The following GSE1 variants were observed in gnomAD, a reference collection of about 807,000 sequenced individuals.
The protein encoded by GSE1 is Gse1 coiled-coil protein, also known as genetic suppressor element 1.
Under a neutral mutation model 112.6 loss-of-function variants are expected in GSE1, and 32 were observed. The observed-to-expected ratio is 0.28, with a 90% CI of 0.21 to 0.38. The LOEUF is 0.38. Ranked by LOEUF, GSE1 falls within the 10% of genes least tolerant of loss-of-function variation. The pLI, the probability that GSE1 is intolerant of heterozygous loss-of-function variation, is 1.00. For synonymous variants in GSE1, 1,115 were observed against 735.6 expected (o/e 1.52, Z -8.35); for missense variants, 2,348 against 1,699.2 (o/e 1.38, Z -6.71).
intron 1 of GSE1, among the ~76,000 whole-genome samples, chr16:85,585,010 C>T (rs934820198): frequency 2.2e-4 from 34 of 152,212 alleles, no homozygotes; most frequent in African/African-American, 6.3e-4. Context: ...CCGAAGACCT[C>T]GTCTTCCAAG....
intron 2 of GSE1, among the ~76,000 whole-genome samples, chr16:85,483,115 G>T (rs981631344): frequency 6.6e-6 from 1 of 152,196 alleles, no homozygotes; most frequent in Admixed American, 6.5e-5. Context: ...GTTACCTCTG[G>T]CTATGTGGAT....
Position 85,643,905 on chromosome 16 carries a change from G to A in GSE1, c.227-4647G>A, listed in dbSNP as rs190245819. Among the ~76,000 whole-genome samples the A allele has an allele frequency of 3.6e-3, 551 of 152,088 alleles. 2 individuals are homozygous for A. Among genetic ancestry groups the A allele is most frequent in the African/African-American group, 0.012 (515 of 41,462 alleles). ...CTGCCTGGGTGGGGTGGCGGCTCTC[G>A]GTGTGTTGGTTTTATTTCCTTTTTC... On this transcript the variant is annotated intron_variant, in intron 2 of 15. Transcript: ENST00000253458.
At chr16:85,422,705 C>A (rs985858240) in intron 2 of GSE1, among the ~76,000 whole-genome samples, 13 of 152,108 alleles carry the variant, frequency 8.5e-5, no homozygotes, top group Non-Finnish European at 1.8e-4. Context: ...GGCAGAGGCC[C>A]TGCAGGTGCA....
At chr16:85,200,785 C>T (rs985026751) in intron 1 of GSE1, among the ~76,000 whole-genome samples, 12 of 152,312 alleles carry the variant, frequency 7.9e-5, no homozygotes, top group East Asian at 1.9e-4. Context: ...GTGTACAGTT[C>T]GGTGGCATTA....
At chr16:85,389,374 C>A (rs2047779647) in intron 2 of GSE1, among the ~76,000 whole-genome samples, 1 of 150,990 alleles carries the variant, frequency 6.6e-6, no homozygotes, top group South Asian at 2.1e-4. Flanking sequence ...GCAGGAGAAT[C>A]ACTTGAACCC....
chr16:85,331,475 ATATATGTGTATATATGTG>A (rs1221000686), intron 1 of GSE1, among the ~76,000 whole-genome samples: 24 of 132,004 alleles, frequency 1.8e-4, no homozygotes, highest in African/African-American at 6.2e-4. Flanking sequence ...GTATATATGT[ATATATGTGTATATATGTG>A]TATATGTGTA....
intron 2 of GSE1, among the ~76,000 whole-genome samples, chr16:85,430,664 C>G (rs910925485): frequency 2.0e-5 from 3 of 152,220 alleles, no homozygotes; most frequent in Non-Finnish European, 4.4e-5. Context: ...GAGGCTCTGG[C>G]TTGATAGTCC....
chr16:85,325,423 A>G (rs1344884849), intron 1 of GSE1, among the ~76,000 whole-genome samples: 2 of 151,798 alleles, frequency 1.3e-5, no homozygotes, highest in Non-Finnish European at 2.9e-5. Flanking sequence ...GAGTCCTGTG[A>G]TCTGATAAAG....
rs569763970 is a variant in GSE1 at position 85,656,482 on chromosome 16, C to T, written c.1129C>T (p.Arg377Cys). Residue 377 changes from arginine to cysteine, a missense_variant, in exon 7 of 16, where the codon CGT (arginine) becomes TGT (cysteine). By Grantham distance (180) the Arg-to-Cys change is radical (BLOSUM62 -3). Coordinates refer to ENST00000253458, the MANE Select transcript of GSE1 (RefSeq NM_014615.5). ...KEREQEKERE[R>C]EKERERELER... Reference sequence around the variant, plus strand: ...GCGCGAGCAAGAGAAGGAGCGTGAGCGTGAGAAGGAGCGCGAGCGCGAGCT... The same window carrying T: ...GCGCGAGCAAGAGAAGGAGCGTGAGTGTGAGAAGGAGCGCGAGCGCGAGCT... The T allele has an allele frequency of 9.5e-5, 147 of 1,540,780 alleles. No homozygotes were observed. Among genetic ancestry groups the T allele is most frequent in the Admixed American group, 3.9e-5 (2 of 50,972 alleles).
At chr16:85,335,368 G>A (rs8061803) in intron 1 of GSE1, among the ~76,000 whole-genome samples, 10,870 of 152,356 alleles carry the variant, frequency 0.071, 412 homozygotes, top group Admixed American at 0.094. Context: ...CTCGGCAAGC[G>A]AGTGAGTTCA....
At chr16:85,289,082 G>A (rs1170878310) in intron 1 of GSE1, among the ~76,000 whole-genome samples, 1 of 152,194 alleles carries the variant, frequency 6.6e-6, no homozygotes, top group Non-Finnish European at 1.5e-5. Flanking sequence ...TCAGATCCTG[G>A]GCTCAAGGTT....
chr16:85,388,801 G>C lies in GSE1; in HGVS notation c.2464+31158G>C, dbSNP rs547258019. ...GGGTTTCTTTCCTTCCCTTGACTCAGTTCTGACTACTGGTGAAGAAGTGGG... is the reference window on the plus strand; with the variant it reads ...GGGTTTCTTTCCTTCCCTTGACTCACTTCTGACTACTGGTGAAGAAGTGGG... On this transcript the variant is annotated intron_variant, in intron 2 of 2. Coordinates refer to the GSE1 transcript ENST00000637419. Among the ~76,000 whole-genome samples the C allele has an allele frequency of 6.7e-4, 102 of 152,284 alleles. 2 individuals are homozygous for C. The South Asian group carries it at 0.02, about 30-fold the overall frequency.
chr16:85,314,901 A>G (rs990307280), intron 1 of GSE1, among the ~76,000 whole-genome samples: 1 of 152,132 alleles, frequency 6.6e-6, no homozygotes, highest in Non-Finnish European at 1.5e-5. Flanking sequence ...TGTGTTGATC[A>G]AGTGACAAGC....
intron 1 of GSE1, among the ~76,000 whole-genome samples, chr16:85,335,656 C>A (rs1031327696): frequency 1.3e-5 from 2 of 152,194 alleles, no homozygotes; most frequent in African/African-American, 4.8e-5. Flanking sequence ...GTGGCAGTCT[C>A]ATGCCCGGCA....
chr16:85,463,582 C>G (rs1759222280), intron 2 of GSE1, among the ~76,000 whole-genome samples: 2 of 152,172 alleles, frequency 1.3e-5, no homozygotes, highest in Non-Finnish European at 2.9e-5. Context: ...ACTTCGTGCC[C>G]TCTTGCTTGC....
At chr16:85,651,539 C>T (rs555074885) in intron 3 of GSE1, among the ~76,000 whole-genome samples, 2 of 152,300 alleles carry the variant, frequency 1.3e-5, no homozygotes, top group South Asian at 4.1e-4. Flanking sequence ...ACAGGCCCCT[C>T]CTTGTGGCGG....
At chr16:85,613,626 CGGG>C (rs912586200) in intron 1 of GSE1, among the ~76,000 whole-genome samples, 1 of 141,146 alleles carries the variant, frequency 7.1e-6, no homozygotes, top group Non-Finnish European at 1.5e-5. Context: ...GGCGGGGACT[CGGG>C]GGCTCCGGGC....
At chr16:85,388,492 G>GTGGA (rs1258045810) in intron 2 of GSE1, among the ~76,000 whole-genome samples, 13 of 78,774 alleles carry the variant, frequency 1.7e-4, no homozygotes, top group Non-Finnish European at 2.5e-4. Flanking sequence ...GGGTGGGTGG[G>GTGGA]TGGATGGATG....
chr16:85,297,689 T>G (rs2045407329), intron 1 of GSE1, among the ~76,000 whole-genome samples: 1 of 152,166 alleles, frequency 6.6e-6, no homozygotes, highest in Admixed American at 6.5e-5. Context: ...TTCTTTTTTA[T>G]CTTTTGTAGA....
Sources: gnomAD v4.1 joint callset for allele counts (sites outside exome capture counted in the v4.1 genomes callset) on GRCh38, gnomAD v4.1.1 for gene constraint, MANE v1.5 for transcripts, NCBI Gene and HGNC (gene_info 2026-07-23, HGNC 2026-07-21) for gene names.